The following CMYA5 variants were observed in gnomAD, a reference collection of about 807,000 sequenced individuals.
The protein encoded by CMYA5 is cardiomyopathy-associated protein 5.
A neutral mutation model predicts 318.9 loss-of-function variants in CMYA5; 246 were observed. The observed-to-expected ratio is 0.77, with a 90% CI of 0.70 to 0.86. The LOEUF is 0.86. Among genes scored for constraint, CMYA5 ranks in the 40% least tolerant of loss-of-function variants. CMYA5 has a pLI of 0.00. For synonymous variants in CMYA5, 1,641 were observed against 1,729.5 expected, an observed-to-expected ratio of 0.95 and a Z score of 1.27; for missense variants, 4,589 against 4,678.2, an observed-to-expected ratio of 0.98 and a Z score of 0.56.
intron 9 of CMYA5, 134 bp from the exon 10 acceptor site, chr5:79,788,837 C>A: frequency 1.2e-6 from 1 of 841,504 alleles, no homozygotes; most frequent in Non-Finnish European, 1.8e-6. Flanking sequence ...GCTTGCTAAT[C>A]CAGTGGTCAT....
At chr5:79,798,286 C>T (rs1829307556) in intron 12 of CMYA5, among the ~76,000 whole-genome samples, 1 of 152,086 alleles carries the variant, frequency 6.6e-6, no homozygotes, top group East Asian at 1.9e-4. Flanking sequence ...ATTCTTAGGT[C>T]CAAACTGCCC....
In CMYA5 at chr5:79,738,119, A is replaced by G. The variant is rs1201800797; in HGVS notation, c.9354A>G (p.Pro3118=). 6.2e-7 allele frequency: 1 copy of G among 1,613,726 alleles called. No homozygotes were observed. Residue 3118 remains proline (P), a synonymous_variant, in exon 2 of 13, where the codon CCA becomes CCG. Coordinates refer to ENST00000446378, the MANE Select transcript of CMYA5 (RefSeq NM_153610.5). The part of the protein sequence containing the change: ...LVKLDESFYG[P]EKGHNILSHP... ...AATTAGATGAAAGTTTTTATGGACCAGAAAAGGGCCACAACATATTATCTC... is the reference window on the plus strand; with the variant it reads ...AATTAGATGAAAGTTTTTATGGACCGGAAAAGGGCCACAACATATTATCTC...
Position 79,733,265 on chromosome 5 carries a change from T to C in CMYA5, c.4500T>C (p.Ser1500=), listed in dbSNP as rs756105858. 1.2e-6 allele frequency: 2 copies of C among 1,613,712 alleles called. No homozygotes were observed. Among genetic ancestry groups the C allele is most frequent in the East Asian group, 2.2e-5 (1 of 44,876 alleles). Residue 1500 remains serine, a synonymous_variant, in exon 2 of 13, where the codon TCT becomes TCC. Coordinates refer to ENST00000446378, the MANE Select transcript of CMYA5 (RefSeq NM_153610.5). ...AAGACAAACAAGATCTTTTATTTTC[T>C]ACAGTCTGTGACTCTGAACGTTTGG... The part of the protein sequence containing the change: ...RVEDKQDLLF[S]TVCDSERLVS...
At chr5:79,773,461 A>G (rs1346377155) in intron 9 of CMYA5, among the ~76,000 whole-genome samples, 1 of 152,222 alleles carries the variant, frequency 6.6e-6, no homozygotes, top group Non-Finnish European at 1.5e-5. Flanking sequence ...GGACTTTACA[A>G]GCTTATTTAT....
chr5:79,739,348 G>A lies in CMYA5; in HGVS notation c.10583G>A (p.Gly3528Asp), dbSNP rs528476195. ...ATTTCTGCCACTGACAAGGTGTTTG[G>A]CACCCACAAAGACCATGAAGTTTCA... ...CPISATDKVF[G>D]THKDHEVSTL... The change falls in exon 2 of 13, where the codon GGC becomes GAC. Residue 3528 changes from glycine to aspartate, a missense_variant. Physicochemically the swap from Gly to Asp is moderately conservative, Grantham distance 94. This residue lies in a region of CMYA5 where 2,431 missense variants were observed against 2,495.1 expected (regional missense o/e 0.97). Transcript: ENST00000446378. 1.3e-6 allele frequency: 2 copies of A among 1,568,346 alleles called. No homozygotes were observed. The highest frequency in any genetic ancestry group is 1.2e-5 in the South Asian group (1 of 84,994).
At chr5:79,761,020 A>G (rs1561222717) in intron 7 of CMYA5, among the ~76,000 whole-genome samples, 1 of 152,138 alleles carries the variant, frequency 6.6e-6, no homozygotes, top group African/African-American at 2.4e-5. Context: ...AAGAGTCATA[A>G]GGGGGGGAAA....
rs888616125 is a variant in CMYA5 at position 79,738,538 on chromosome 5, A to G, written c.9773A>G (p.Gln3258Arg). ...LHDTSLTQKD[Q>R]GQGLEEKRVG... ...GACACATCTCTAACTCAAAAGGACC[A>G]GGGCCAAGGTCTGGAAGAAAAACGA... The change falls in exon 2 of 13, where the codon CAG (glutamine) becomes CGG (arginine). Residue 3258 changes from glutamine (Q) to arginine (R), a missense_variant. Gln to Arg is a conservative substitution (Grantham distance 43, BLOSUM62 1). This residue lies in a region of CMYA5 where 2,431 missense variants were observed against 2,495.1 expected (regional missense o/e 0.97). Coordinates refer to ENST00000446378, the MANE Select transcript of CMYA5 (RefSeq NM_153610.5). The G allele has an allele frequency of 2.5e-6, 4 of 1,613,324 alleles. No individual in the cohort carries two copies. The highest frequency in any genetic ancestry group is 3.4e-6 in the Non-Finnish European group (4 of 1,179,864).
intron 7 of CMYA5, among the ~76,000 whole-genome samples, chr5:79,761,598 TAAC>T (rs1828652325): frequency 6.6e-6 from 1 of 152,228 alleles, no homozygotes; most frequent in Non-Finnish European, 1.5e-5. Flanking sequence ...TGAGAAGTGT[TAAC>T]AAGTATTACT....
chr5:79,758,648 T>C (rs1828581341), intron 6 of CMYA5, 105 bp from the exon 7 acceptor site: 3 of 661,404 alleles, frequency 4.5e-6, no homozygotes, highest in Non-Finnish European at 6.4e-6. Flanking sequence ...TTTTATACTA[T>C]GTATTTCTGT....
chr5:79,774,018 A>G (rs1273229041), intron 9 of CMYA5, among the ~76,000 whole-genome samples: 1 of 152,254 alleles, frequency 6.6e-6, no homozygotes, highest in Non-Finnish European at 1.5e-5. Flanking sequence ...TTGCCAGAAT[A>G]GAAACACATC....
intron 5 of CMYA5, among the ~76,000 whole-genome samples, chr5:79,750,471 T>G (rs1464292349): frequency 6.6e-6 from 1 of 152,202 alleles, no homozygotes; most frequent in Admixed American, 6.5e-5. Flanking sequence ...ACACATGGAT[T>G]TTCAGTTGTA....
At chr5:79,701,485 A>G (rs893879170) in intron 1 of CMYA5, among the ~76,000 whole-genome samples, 1 of 150,692 alleles carries the variant, frequency 6.6e-6, no homozygotes, top group Non-Finnish European at 1.5e-5. Flanking sequence ...GCTATTACAT[A>G]TCAATAAAAA....
intron 1 of CMYA5, among the ~76,000 whole-genome samples, chr5:79,726,879 G>A (rs1827757452): frequency 6.7e-6 from 1 of 149,174 alleles, no homozygotes; most frequent in African/African-American, 2.5e-5. Context: ...TGCTATTTAA[G>A]TGTCAGAGCT....
Position 79,720,427 on chromosome 5 carries a change from AATT to A in CMYA5, c.150-8487_150-8485del, listed in dbSNP as rs1240458988. 8.4e-4 allele frequency among the ~76,000 whole-genome samples: 115 copies of A among 136,826 alleles called. 1 individual carries two copies. Among genetic ancestry groups the A allele is most frequent in the African/African-American group, 3.1e-3 (107 of 34,392 alleles). 89.8% of individuals were successfully genotyped at this position (136,826 alleles called of 152,430 possible). A position where few individuals can be genotyped will look rare whatever the true frequency, so the allele number is the denominator to read the frequency against. On this transcript the variant is annotated intron_variant, in intron 1 of 12. Transcript: ENST00000446378. Reference sequence around the variant, plus strand: ...CTAAGATAAAAATAACTGCCAATCTAATTTTTTTTTTTTTTTTTTTTTTTTTGA... The same window carrying A: ...CTAAGATAAAAATAACTGCCAATCTATTTTTTTTTTTTTTTTTTTTTTTGA...
At chr5:79,691,027 C>G (rs1192664630) in intron 1 of CMYA5, among the ~76,000 whole-genome samples, 1 of 152,248 alleles carries the variant, frequency 6.6e-6, no homozygotes, top group Admixed American at 6.5e-5. Context: ...GAAGCAAGCA[C>G]AGTCCCTGGC....
At position 79,729,185 on chromosome 5, in the gene CMYA5, T is replaced by C. The variant is rs1827816267; in HGVS notation, c.420T>C (p.His140=). ...GGAAAAGGACTCATAAGTCAAAGCA[T>C]GGTTCACCATCATTACGCCGGAAAG... The part of the protein sequence containing the change: ...KVRKRTHKSK[H]GSPSLRRKGN... Residue 140 remains histidine, a synonymous_variant, in exon 2 of 13, where the codon CAT becomes CAC. Coordinates refer to ENST00000446378, the MANE Select transcript of CMYA5 (RefSeq NM_153610.5). 6.2e-7 allele frequency: 1 copy of C among 1,612,942 alleles called. No individual in the cohort carries two copies. The highest frequency in any genetic ancestry group is 1.7e-5 in the Admixed American group (1 of 59,812).
At chr5:79,704,093 A>G (rs920009609) in intron 1 of CMYA5, among the ~76,000 whole-genome samples, 1 of 152,186 alleles carries the variant, frequency 6.6e-6, no homozygotes, top group Non-Finnish European at 1.5e-5. Flanking sequence ...TGTGTTAAAA[A>G]AAAAATTCTA....
At chr5:79,787,359 A>G (rs1386617568) in intron 9 of CMYA5, among the ~76,000 whole-genome samples, 1 of 152,230 alleles carries the variant, frequency 6.6e-6, no homozygotes, top group African/African-American at 2.4e-5. Context: ...GTGAGACAAT[A>G]ATTTTGTTAC....
chr5:79,710,922 T>A (rs1827376603), intron 1 of CMYA5, among the ~76,000 whole-genome samples: 1 of 152,170 alleles, frequency 6.6e-6, no homozygotes, highest in Admixed American at 6.6e-5. Flanking sequence ...TTTTTAGAAC[T>A]CCTGAAGAGA....
Sources: gnomAD v4.1 joint callset for allele counts (sites outside exome capture counted in the v4.1 genomes callset) on GRCh38, gnomAD v4.1.1 for gene constraint, gnomAD v4.1.1 regional missense constraint, MANE v1.5 for transcripts, NCBI Gene and HGNC (gene_info 2026-07-23, HGNC 2026-07-21) for gene names.